Variants in KAT6A observed in about 807,000 individuals in gnomAD.
KAT6A encodes the protein lysine acetyltransferase 6A.
KAT6A carries 9 observed loss-of-function variants against 198.4 expected under a neutral mutation model. The observed-to-expected ratio is 0.05, with a 90% CI of 0.03 to 0.08. KAT6A has a LOEUF of 0.08. KAT6A is among the 10% of genes least tolerant of loss of function. The pLI, the probability that KAT6A is intolerant of heterozygous loss-of-function variation, is 1.00. For missense variants in KAT6A, 2,077 were observed against 2,509.9 expected (o/e 0.83, Z 3.69); for synonymous variants, 890 against 883.0 (o/e 1.01, Z -0.14).
intron 8 of KAT6A, among the ~76,000 whole-genome samples, chr8:41,965,010 T>C: frequency 6.6e-6 from 1 of 152,112 alleles, no homozygotes; most frequent in East Asian, 1.9e-4. Context: ...ATAGGGTGAT[T>C]ATTGGCCCAT....
chr8:41,950,109 A>T (rs1194228147), intron 9 of KAT6A, among the ~76,000 whole-genome samples: 1 of 152,234 alleles, frequency 6.6e-6, no homozygotes, highest in Admixed American at 6.5e-5. Context: ...AAGTGAAACA[A>T]ATAATGACTG....
At chr8:41,947,726 A>G in intron 11 of KAT6A, 25 bp downstream of exon 11, 2 of 1,572,052 alleles carry the variant, frequency 1.3e-6, no homozygotes, top group Non-Finnish European at 1.7e-6. Flanking sequence ...ATGAGTTCAA[A>G]CAAACTTTAA....
Position 41,934,644 on chromosome 8 carries a change from G to A in KAT6A, c.3576C>T (p.Ile1192=), listed in dbSNP as rs61753682. ...TACGTCCAGCTTTAGGAATGGAAAC[G>A]ATGGGCTCAATGACGCATGCTTGAG... ...VSTQACVIEP[I]VSIPKAGRKP... Residue 1192 remains isoleucine, a synonymous_variant, in exon 17 of 17, where the codon ATC becomes ATT. Transcript: ENST00000265713. The A allele has an allele frequency of 2.0e-4, 316 of 1,614,126 alleles. 2 individuals carry two copies. The highest frequency in any genetic ancestry group is 9.9e-4 in the South Asian group (90 of 91,076).
In KAT6A at chr8:42,044,765, G is replaced by T. The variant is rs1056786850; in HGVS notation, c.600+3613C>A. ...GAACTGTTTCTGTTCCAAGCAGAGT[G>T]CCTGGCCCACAGTAGGTGCTCAATG... is the stretch of plus-strand genomic sequence containing the variant. On this transcript the variant is annotated intron_variant, in intron 2 of 16. Transcript: ENST00000265713. Among the ~76,000 whole-genome samples the T allele has an allele frequency of 2.5e-4, 38 of 152,214 alleles. 1 individual carries two copies. The highest frequency in any genetic ancestry group is 4.1e-4 in the South Asian group (2 of 4,832).
At chr8:42,019,769 C>A (rs1359792067) in intron 2 of KAT6A, among the ~76,000 whole-genome samples, 1 of 152,132 alleles carries the variant, frequency 6.6e-6, no homozygotes, top group Non-Finnish European at 1.5e-5. Context: ...TCACTGCATA[C>A]CTATACTCAA....
intron 2 of KAT6A, among the ~76,000 whole-genome samples, chr8:42,023,500 T>TA (rs1826649571): frequency 6.6e-6 from 1 of 151,742 alleles, no homozygotes; most frequent in South Asian, 2.1e-4. Flanking sequence ...ATTTACTTTT[T>TA]TTTTTAAGAC....
intron 9 of KAT6A, among the ~76,000 whole-genome samples, chr8:41,953,671 G>A (rs564850266): frequency 2.7e-4 from 41 of 152,046 alleles, no homozygotes; most frequent in African/African-American, 6.8e-4. Flanking sequence ...ACAGGGTTTC[G>A]CCATGTTGGC....
chr8:41,934,585 T>C lies in KAT6A; in HGVS notation c.3635A>G (p.Glu1212Gly). The C allele has an allele frequency of 6.2e-7, 1 of 1,614,098 alleles. No homozygotes were observed. Among genetic ancestry groups the C allele is most frequent in the African/African-American group, 1.3e-5 (1 of 75,018 alleles). The part of the protein sequence containing the change: ...PKIQESEETV[E>G]PKEDMPLPEE... The stretch of plus-strand genomic sequence containing the variant: ...GGGTAGGGGCATGTCTTCTTTTGGC[T>C]CAACAGTTTCTTCACTCTCCTGGAT... The change falls in exon 17 of 17, where the codon GAG becomes GGG. Residue 1212 changes from glutamate to glycine, a missense_variant. Glu to Gly is a moderately conservative substitution (Grantham distance 98, BLOSUM62 -2). Around this residue, in one of 13 missense-constraint regions of KAT6A, gnomAD observed 375 missense variants for 383.0 expected, o/e 0.98. Coordinates refer to ENST00000265713, the MANE Select transcript of KAT6A (RefSeq NM_006766.5).
At chr8:41,954,642 A>C (rs1822839490) in intron 9 of KAT6A, among the ~76,000 whole-genome samples, 1 of 152,226 alleles carries the variant, frequency 6.6e-6, no homozygotes, top group Non-Finnish European at 1.5e-5. Flanking sequence ...AGCTCATTTA[A>C]TGTCCTCAAT....
At chr8:42,004,804 T>C (rs1448089597) in intron 2 of KAT6A, among the ~76,000 whole-genome samples, 1 of 152,022 alleles carries the variant, frequency 6.6e-6, no homozygotes, top group African/African-American at 2.4e-5. Flanking sequence ...GGTGTGCGCC[T>C]GTAGTCACAG....
At chr8:42,011,393 G>T (rs1210795096) in intron 2 of KAT6A, among the ~76,000 whole-genome samples, 1 of 152,116 alleles carries the variant, frequency 6.6e-6, no homozygotes, top group Non-Finnish European at 1.5e-5. Context: ...ACTAGTAAAT[G>T]AGACCATTTG....
intron 3 of KAT6A, among the ~76,000 whole-genome samples, chr8:41,983,131 TCTGATTCTCAAA>T (rs2150890706): frequency 6.6e-6 from 1 of 152,312 alleles, no homozygotes; most frequent in Admixed American, 6.5e-5. Flanking sequence ...CAGTTATCAG[TCTGATTCTCAAA>T]AATTAAGGGT....
intron 2 of KAT6A, among the ~76,000 whole-genome samples, chr8:42,014,559 A>T (rs903663865): frequency 6.6e-6 from 1 of 152,240 alleles, no homozygotes; most frequent in Non-Finnish European, 1.5e-5. Flanking sequence ...TAGATAATTA[A>T]GTCAACAAAT....
intron 2 of KAT6A, among the ~76,000 whole-genome samples, chr8:42,003,629 T>C (rs141136227): frequency 3.9e-5 from 6 of 152,076 alleles, no homozygotes; most frequent in Non-Finnish European, 5.9e-5. Flanking sequence ...TCTTAGCAAC[T>C]TGGCATACCT....
At chr8:42,013,590 T>C (rs1422251765) in intron 2 of KAT6A, among the ~76,000 whole-genome samples, 1 of 152,250 alleles carries the variant, frequency 6.6e-6, no homozygotes, top group Non-Finnish European at 1.5e-5. Flanking sequence ...TGGTCACTTC[T>C]GTATTCATCA....
intron 3 of KAT6A, among the ~76,000 whole-genome samples, chr8:41,984,842 G>A (rs1035706635): frequency 3.9e-5 from 6 of 151,968 alleles, no homozygotes; most frequent in African/African-American, 1.5e-4. Flanking sequence ...AATTAGCCGG[G>A]CGTGGTGGCA....
rs374349552 is a variant in KAT6A at position 41,943,867 on chromosome 8, A to T, written c.2109T>A (p.Leu703=). Residue 703 remains leucine, a synonymous_variant, in exon 13 of 17, where the codon CTT becomes CTA. Coordinates refer to ENST00000265713, the MANE Select transcript of KAT6A (RefSeq NM_006766.5). Reference sequence around the variant, plus strand: ...TGATCTGCTTGTCATTTTGGTGATAAAGGCACTCCAATATTACACTTTTCC... The same window carrying T: ...TGATCTGCTTGTCATTTTGGTGATATAGGCACTCCAATATTACACTTTTCC... The part of the protein sequence containing the change: ...AYWKSVILEC[L]YHQNDKQISI... The T allele has an allele frequency of 8.1e-6, 13 of 1,613,804 alleles. No individual in the cohort carries two copies. Among genetic ancestry groups the T allele is most frequent in the Non-Finnish European group, 1.1e-5 (13 of 1,179,914 alleles).
rs117270099 is a variant in KAT6A, at chr8:41,932,226, G to A, written c.5994C>T (p.Asn1998=). The change falls in exon 17 of 17, where the codon AAC becomes AAT. Residue 1998 remains asparagine (N), a synonymous_variant. Coordinates refer to ENST00000265713, the MANE Select transcript of KAT6A (RefSeq NM_006766.5). ...TTGCTCATCTTCTCATGTAAGGTCC[G>A]TTGAGTGACTGCTTGGGCACGCCAG... ...NAAGVPKQSL[N]GPYMRR 8.9e-4 allele frequency: 1,427 copies of A among 1,606,286 alleles called. No individual in the cohort carries two copies. Among genetic ancestry groups the A allele is most frequent in the African/African-American group, 2.4e-3 (183 of 74,792 alleles).
chr8:41,941,527 G>C (rs1822136460), intron 14 of KAT6A, 83 bp from the exon 15 acceptor site: 3 of 1,400,880 alleles, frequency 2.1e-6, no homozygotes, highest in Non-Finnish European at 2.9e-6. Context: ...TTTAAGTATT[G>C]AGAGAAGAAA....
Sources: allele counts gnomAD v4.1 joint callset (sites outside exome capture counted in the v4.1 genomes callset), GRCh38; gene constraint gnomAD v4.1.1; regional missense constraint gnomAD v4.1.1; transcripts MANE v1.5; gene names NCBI Gene and HGNC (gene_info 2026-07-23, HGNC 2026-07-21).